ZNF471: variants seen among roughly 807,000 people sequenced by gnomAD.
ZNF471 encodes the protein zinc finger protein 471, also known as EZFIT-related protein 1.
ZNF471 carries 7 observed loss-of-function variants against 13.7 expected under a neutral mutation model. That is an observed-to-expected ratio of 0.51 (90% CI 0.29 to 0.96). The LOEUF (loss-of-function observed/expected upper bound fraction) is 0.96. Among genes scored for constraint, ZNF471 ranks in the 40% least tolerant of loss-of-function variants. The pLI, the probability that ZNF471 is intolerant of heterozygous loss-of-function variation, is 0.08. For synonymous variants in ZNF471, 218 were observed against 235.6 expected (o/e 0.93, Z 0.68); for missense variants, 663 against 743.3 (o/e 0.89, Z 1.26).
chr19:56,523,867 A>G (rs1426584347), intron 4 of ZNF471, among the ~76,000 whole-genome samples: 1 of 152,124 alleles, frequency 6.6e-6, no homozygotes, highest in Non-Finnish European at 1.5e-5. Flanking sequence ...TCTGTTGCCT[A>G]AGCTGGAGTG....
Position 56,525,662 on chromosome 19 carries a change from A to G in ZNF471, c.1595A>G (p.Gln532Arg). Residue 532 changes from glutamine (Q) to arginine (R), a missense_variant, in exon 5 of 5, where the codon CAA becomes CGA. Coordinates refer to ENST00000308031, the MANE Select transcript of ZNF471 (RefSeq NM_020813.4). ...NAFKQRSHLA[Q>R]HQKTHTGEKP... ...TTCAAACAGAGATCACACCTTGCCCAACATCAGAAAACTCATACAGGAGAG... is the reference window on the plus strand; with the variant it reads ...TTCAAACAGAGATCACACCTTGCCCGACATCAGAAAACTCATACAGGAGAG... The G allele has an allele frequency of 1.2e-6, 2 of 1,613,934 alleles. No homozygotes were observed. The highest frequency in any genetic ancestry group is 1.7e-6 in the Non-Finnish European group (2 of 1,179,958).
At position 56,524,151 on chromosome 19, in the gene ZNF471, T is replaced by C. The variant is rs1398910331; in HGVS notation, c.257-173T>C. Among the ~76,000 whole-genome samples the C allele has an allele frequency of 1.3e-5, 2 of 152,220 alleles. No individual in the cohort carries two copies. Among genetic ancestry groups the C allele is most frequent in the Non-Finnish European group, 2.9e-5 (2 of 68,022 alleles). On this transcript the variant is annotated intron_variant, in intron 4 of 4. Coordinates refer to ENST00000308031, the MANE Select transcript of ZNF471 (RefSeq NM_020813.4). This position sits in a 1 kb window ranked among gnomAD's most constrained non-coding sequence, Gnocchi z 4.8. ...GCTTTCTTAGTCACCTCTCCCATGT[T>C]CCTTCATGAGCTGTCTTTCTTGGGG... is the stretch of plus-strand genomic sequence containing the variant.
rs149886228 is a variant in ZNF471, at chr19:56,513,853, T to C, written c.33+2249T>C. ...CTCTTGAGAAGGTCTACTTAAAAAA[T>C]AAATTTTATTTTTTAGAATAGTTTT... On this transcript the variant is annotated intron_variant, in intron 2 of 4. Transcript: ENST00000308031. 4.2e-3 allele frequency among the ~76,000 whole-genome samples: 645 copies of C among 152,060 alleles called. 2 individuals carry two copies. The highest frequency in any genetic ancestry group is 0.014 in the African/African-American group (588 of 41,514).
At chr19:56,511,744 A>G (rs1433165362) in intron 2 of ZNF471, 140 bp downstream of exon 2, 2 of 678,880 alleles carry the variant, frequency 2.9e-6, no homozygotes, top group South Asian at 3.7e-5. Flanking sequence ...CACTGTCTTT[A>G]ACTCTAATTA....
intron 1 of ZNF471, 35 bp from the exon 2 acceptor site, chr19:56,511,482 G>T: frequency 6.6e-7 from 1 of 1,504,182 alleles, no homozygotes; most frequent in Non-Finnish European, 9.2e-7. Flanking sequence ...CAGCATCTCT[G>T]GCCTCATCTC....
chr19:56,508,121 G>T lies in ZNF471; in HGVS notation c.-56+201G>T, dbSNP rs746244648. 1 of 985,246 alleles carries T rather than the reference G, an allele frequency of 1.0e-6. No homozygotes were observed. The highest frequency in any genetic ancestry group is 1.7e-5 in the African/African-American group (1 of 57,248). 61.0% of individuals were successfully genotyped at this position (985,246 alleles called of 1,614,324 possible). A position where few individuals can be genotyped will look rare whatever the true frequency, so the allele number is the denominator to read the frequency against. On this transcript the variant is annotated intron_variant, in intron 1 of 4. Transcript: ENST00000308031. The surrounding 1 kb of genome is among the most constrained non-coding windows in gnomAD (Gnocchi z 4.7). ...CGGCTCGGGGCTGCTGGGCGTTCGG[G>T]GCGGCTTGGGGCGGCGGGACCACTG...
intron 4 of ZNF471, 75 bp downstream of exon 4, chr19:56,518,652 C>T: frequency 8.1e-7 from 1 of 1,233,450 alleles, no homozygotes; most frequent in Non-Finnish European, 1.1e-6. Flanking sequence ...GATACCTTCT[C>T]ACTTATGCAT....
At position 56,517,726 on chromosome 19, in the gene ZNF471, C is replaced by T. The variant is rs184885538; in HGVS notation, c.161-756C>T. Among the ~76,000 whole-genome samples, 182 of 152,330 alleles carry T rather than the reference C, an allele frequency of 1.2e-3. 1 individual carries two copies. Among genetic ancestry groups the T allele is most frequent in the Non-Finnish European group, 2.2e-3 (150 of 68,032 alleles). ...AAAGTGCTGGGATTACAGGCGTAAG[C>T]CACTGTGCCCAGCTCAGATTGGATA... On this transcript the variant is annotated intron_variant, in intron 3 of 4. Coordinates refer to ENST00000308031, the MANE Select transcript of ZNF471 (RefSeq NM_020813.4).
chr19:56,519,695 C>A (rs192139716), intron 4 of ZNF471, among the ~76,000 whole-genome samples: 157 of 152,328 alleles, frequency 1.0e-3, no homozygotes, highest in African/African-American at 3.6e-3. Context: ...CTAAATTTCC[C>A]GTGTCCTCCA....
At chr19:56,521,561 C>T (rs1303865807) in intron 4 of ZNF471, among the ~76,000 whole-genome samples, 1 of 149,032 alleles carries the variant, frequency 6.7e-6, no homozygotes, top group Non-Finnish European at 1.5e-5. Context: ...ATGGCATGAA[C>T]CCGGGAGGCA....
intron 1 of ZNF471, chr19:56,509,748 TGTGTGTAG>T: frequency 1.0e-5 from 3 of 290,184 alleles, no homozygotes; most frequent in Non-Finnish European, 1.5e-5. Flanking sequence ...TGTGTGTGTG[TGTGTGTAG>T]ATCCCCACAC....
intron 4 of ZNF471, among the ~76,000 whole-genome samples, chr19:56,518,857 G>GTC (rs2043930548): frequency 6.6e-6 from 1 of 151,988 alleles, no homozygotes; most frequent in Non-Finnish European, 1.5e-5. Flanking sequence ...TTACCATCCC[G>GTC]TCTTTCGCTT....
At chr19:56,518,415 G>A in intron 3 of ZNF471, 67 bp from the exon 4 acceptor site, 3 of 1,165,004 alleles carry the variant, frequency 2.6e-6, no homozygotes, top group East Asian at 2.4e-5. Context: ...CAGAATTAAG[G>A]TACTGGCTTT....
At position 56,518,556 on chromosome 19, in the gene ZNF471, A is replaced by T; in HGVS notation, c.235A>T (p.Met79Leu). ...AGAGCCTTGGGAGATGACGAGTGAG[A>T]TGACAAGAAGCCCATTCTCAGGTGA... ...GREPWEMTSE[M>L]TRSPFSDWES... Residue 79 changes from methionine to leucine, a missense_variant, in exon 4 of 5, where the codon ATG becomes TTG. Physicochemically the swap from Met to Leu is conservative, Grantham distance 15. Transcript: ENST00000308031. 1 of 1,613,486 alleles carries T rather than the reference A, an allele frequency of 6.2e-7. No homozygotes were observed. The highest frequency in any genetic ancestry group is 8.5e-7 in the Non-Finnish European group (1 of 1,179,772).
At position 56,525,663 on chromosome 19, in the gene ZNF471, A is replaced by G; in HGVS notation, c.1596A>G (p.Gln532=). The part of the protein sequence containing the change: ...NAFKQRSHLA[Q]HQKTHTGEKP... ...TCAAACAGAGATCACACCTTGCCCAACATCAGAAAACTCATACAGGAGAGA... is the reference window on the plus strand; with the variant it reads ...TCAAACAGAGATCACACCTTGCCCAGCATCAGAAAACTCATACAGGAGAGA... The change falls in exon 5 of 5, where the codon CAA becomes CAG. Residue 532 remains glutamine, a synonymous_variant. Coordinates refer to ENST00000308031, the MANE Select transcript of ZNF471 (RefSeq NM_020813.4). 1 of 1,614,008 alleles carries G rather than the reference A, an allele frequency of 6.2e-7. No homozygotes were observed. The highest frequency in any genetic ancestry group is 2.2e-5 in the East Asian group (1 of 44,826).
At chr19:56,513,281 A>AT (rs1410400148) in intron 2 of ZNF471, among the ~76,000 whole-genome samples, 3 of 152,258 alleles carry the variant, frequency 2.0e-5, no homozygotes, top group African/African-American at 7.2e-5. Flanking sequence ...GATGCAGTCC[A>AT]TTAACCCCAC....
intron 4 of ZNF471, among the ~76,000 whole-genome samples, chr19:56,520,461 G>C (rs996778471): frequency 6.6e-6 from 1 of 152,162 alleles, no homozygotes; most frequent in Non-Finnish European, 1.5e-5. Flanking sequence ...TCTTCAGTCT[G>C]TCTACGTAGG....
chr19:56,516,548 C>A lies in ZNF471; in HGVS notation c.160+147C>A. ...GAGGATATTGAGGGACTGAAGAAAACTTGAGATTTAGAGTTAGTGAATTTG... is the reference window on the plus strand; with the variant it reads ...GAGGATATTGAGGGACTGAAGAAAAATTGAGATTTAGAGTTAGTGAATTTG... On this transcript the variant is annotated intron_variant, in intron 3 of 4. Coordinates refer to ENST00000308031, the MANE Select transcript of ZNF471 (RefSeq NM_020813.4). This position sits in a 1 kb window ranked among gnomAD's most constrained non-coding sequence, Gnocchi z 4.4. 2.8e-6 allele frequency: 2 copies of A among 720,366 alleles called. No homozygotes were observed. The highest frequency in any genetic ancestry group is 4.3e-6 in the Non-Finnish European group (2 of 461,598). The allele number at this position is 720,366 out of a possible 1,614,324, so 44.6% of individuals were successfully genotyped here. A position where few individuals can be genotyped will look rare whatever the true frequency, so the allele number is the denominator to read the frequency against.
chr19:56,526,108 G>A lies in ZNF471; in HGVS notation c.*160G>A. ...CGAATAGGAACAGCTCTGATCTGCA[G>A]TTCCCAGTGAGATCAACGCAGAAGG... On this transcript the variant is annotated 3_prime_UTR_variant, in exon 5 of 5. Transcript: ENST00000308031. 1 of 657,054 alleles carries A rather than the reference G, an allele frequency of 1.5e-6. No homozygotes were observed. The allele number at this position is 657,054 out of a possible 1,614,324, so 40.7% of individuals were successfully genotyped here.
Sources: allele counts gnomAD v4.1 joint callset (sites outside exome capture counted in the v4.1 genomes callset), GRCh38; gene constraint gnomAD v4.1.1; non-coding constraint Gnocchi (gnomAD v3.1); transcripts MANE v1.5; gene names NCBI Gene and HGNC (gene_info 2026-07-23, HGNC 2026-07-21).